The following ASPHD2 variants were observed in gnomAD, a reference collection of about 807,000 sequenced individuals.
ASPHD2 encodes the protein aspartate beta-hydroxylase domain-containing protein 2.
In ASPHD2, 12 loss-of-function variants were observed where a neutral mutation model predicts 34.6. The observed-to-expected ratio is 0.35, with a 90% CI of 0.22 to 0.56. The LOEUF (loss-of-function observed/expected upper bound fraction) is 0.56. ASPHD2 is among the 20% of genes least tolerant of loss of function. ASPHD2 has a pLI of 0.87. For missense variants in ASPHD2, 375 were observed against 505.0 expected (o/e 0.74, Z 2.47); for synonymous variants, 224 against 212.2 (o/e 1.06, Z -0.48).
intron 3 of ASPHD2, 128 bp from the exon 4 acceptor site, chr22:26,442,969 T>TCCGAG: frequency 1.4e-6 from 1 of 723,858 alleles, no homozygotes; most frequent in South Asian, 1.6e-5. Flanking sequence ...GGTGGTCCGA[T>TCCGAG]CCGAGCCGAG....
rs2084869810 is a variant in ASPHD2, at chr22:26,443,263, G to A, written c.*57G>A. On this transcript the variant is annotated 3_prime_UTR_variant, in exon 4 of 4. Coordinates refer to ENST00000215906, the MANE Select transcript of ASPHD2 (RefSeq NM_020437.5). ...GGCCGAGGCGGGGCCTGGGCAGACT[G>A]TGGTCCGGTCCAGTCCCTACCGGTG... The A allele has an allele frequency of 6.9e-7, 1 of 1,444,812 alleles. No homozygotes were observed. The highest frequency in any genetic ancestry group is 2.3e-5 in the East Asian group (1 of 44,068). The allele number at this position is 1,444,812 out of a possible 1,614,324, so 89.5% of individuals were successfully genotyped here. A position where few individuals can be genotyped will look rare whatever the true frequency, so the allele number is the denominator to read the frequency against.
At chr22:26,442,325 C>G (rs552732639) in intron 2 of ASPHD2, 134 bp from the exon 3 acceptor site, 1 of 645,224 alleles carries the variant, frequency 1.5e-6, no homozygotes, top group Non-Finnish European at 2.7e-6. Flanking sequence ...GACCATAGCA[C>G]GGGCTCCAGA....
rs1261607199 is a variant in ASPHD2, at chr22:26,444,363, G to C, written c.*1157G>C. 6.6e-6 allele frequency: 1 copy of C among 152,168 alleles called. No individual in the cohort carries two copies. Among genetic ancestry groups the C allele is most frequent in the Non-Finnish European group, 1.5e-5 (1 of 68,044 alleles). 9.4% of individuals were successfully genotyped at this position (152,168 alleles called of 1,614,324 possible). On this transcript the variant is annotated 3_prime_UTR_variant, in exon 4 of 4. Transcript: ENST00000215906. ...GTGACAATGACCCAAGCCAGTGTGT[G>C]CTAGTGAGGAGACAGAGAAGACCTA...
chr22:26,430,408 C>CT (rs1364424600), intron 1 of ASPHD2, among the ~76,000 whole-genome samples: 1 of 152,206 alleles, frequency 6.6e-6, no homozygotes, highest in Non-Finnish European at 1.5e-5. Context: ...GCCAACTGAG[C>CT]TGGAAGATCT....
chr22:26,442,375 T>C (rs965840723), intron 2 of ASPHD2, 84 bp from the exon 3 acceptor site: 83 of 1,039,526 alleles, frequency 8.0e-5, no homozygotes, highest in Non-Finnish European at 1.0e-4. Context: ...TCAAAAACTC[T>C]CAGTAAGGCA....
chr22:26,435,563 G>A (rs547352121), intron 2 of ASPHD2, among the ~76,000 whole-genome samples: 5 of 152,252 alleles, frequency 3.3e-5, no homozygotes, highest in African/African-American at 7.2e-5. Flanking sequence ...TCATAACCAC[G>A]TTCTGCAGAG....
chr22:26,438,634 CAT>C (rs368513588), intron 2 of ASPHD2, among the ~76,000 whole-genome samples: 15,516 of 78,008 alleles, frequency 0.2, 2,984 homozygotes, highest in South Asian at 0.41. Flanking sequence ...CATATATATA[CAT>C]ATATATATAC....
intron 2 of ASPHD2, among the ~76,000 whole-genome samples, chr22:26,435,111 A>G (rs1000815): frequency 0.59 from 89,010 of 152,018 alleles, 26,497 homozygotes; most frequent in African/African-American, 0.68. Context: ...GGAGTTAGAC[A>G]GCCTTTGTTT....
At chr22:26,434,546 C>T (rs780917875) in intron 2 of ASPHD2, 45 bp downstream of exon 2, 1 of 1,514,450 alleles carries the variant, frequency 6.6e-7, no homozygotes, top group Admixed American at 2.3e-5. Context: ...CATTTGCAAG[C>T]TCAGCCCCTC....
Position 26,429,541 on chromosome 22 carries a change from C to T in ASPHD2, c.-225+55C>T, listed in dbSNP as rs1250520576. ...CGGGAGGGCGGCGCGGCTGGGCCGA[C>T]CCCAGGACAGGGGTTGGAGGCGGGA... On this transcript the variant is annotated intron_variant, in intron 1 of 3. Transcript: ENST00000215906. This position sits in a 1 kb window ranked among gnomAD's most constrained non-coding sequence, Gnocchi z 4.5. 3.3e-5 allele frequency: 5 copies of T among 151,604 alleles called. No homozygotes were observed. Among genetic ancestry groups the T allele is most frequent in the African/African-American group, 9.7e-5 (4 of 41,304 alleles). 9.4% of individuals were successfully genotyped at this position (151,604 alleles called of 1,614,324 possible).
intron 2 of ASPHD2, among the ~76,000 whole-genome samples, chr22:26,438,542 T>TATATAC (rs1201115304): frequency 5.7e-5 from 8 of 141,116 alleles, no homozygotes; most frequent in African/African-American, 2.1e-4. Context: ...TATATACACA[T>TATATAC]ACATATATAC....
chr22:26,432,433 A>G (rs2084762948), intron 1 of ASPHD2, among the ~76,000 whole-genome samples: 1 of 152,256 alleles, frequency 6.6e-6, no homozygotes. Flanking sequence ...GTAGAAGCAG[A>G]GACCTGGCTG....
Position 26,433,562 on chromosome 22 carries a change from G to A in ASPHD2, c.-54G>A, listed in dbSNP as rs2084769641. 4 of 1,345,456 alleles carry A rather than the reference G, an allele frequency of 3.0e-6. No individual in the cohort carries two copies. The Admixed American group carries it at 6.6e-5, about 22-fold the overall frequency. The allele number at this position is 1,345,456 out of a possible 1,614,324, so 83.3% of individuals were successfully genotyped here. ...CCCCTGGCAGTATCTGAGGATCGGT[G>A]GCAGCCATGCCTCCCCCTGCCCCAG... On this transcript the variant is annotated 5_prime_UTR_variant, in exon 2 of 4. An upstream open reading frame in the 5' UTR gains an earlier in-frame stop. Transcript: ENST00000215906. This position sits in a 1 kb window ranked among gnomAD's most constrained non-coding sequence, Gnocchi z 5.1.
In ASPHD2 at chr22:26,434,463, A is replaced by C; in HGVS notation, c.848A>C (p.His283Pro). The stretch of plus-strand genomic sequence containing the variant: ...AGCCCTGGGACTGTGATAACGGAGC[A>C]CTATGGACCCACCAACATCCGCATC... ...VLSPGTVITE[H>P]YGPTNIRIRC... Residue 283 changes from histidine to proline, a missense_variant, in exon 2 of 4, where the codon CAC becomes CCC. Physicochemically the swap from His to Pro is moderately conservative, Grantham distance 77. Transcript: ENST00000215906. 1 of 1,599,994 alleles carries C rather than the reference A, an allele frequency of 6.3e-7. No individual in the cohort carries two copies. Among genetic ancestry groups the C allele is most frequent in the African/African-American group, 1.3e-5 (1 of 74,660 alleles).
intron 1 of ASPHD2, among the ~76,000 whole-genome samples, chr22:26,431,096 T>C (rs1284485711): frequency 2.0e-5 from 3 of 152,204 alleles, no homozygotes; most frequent in Non-Finnish European, 4.4e-5. Context: ...AAACCTTTCC[T>C]CCTGACAGAC....
intron 2 of ASPHD2, among the ~76,000 whole-genome samples, chr22:26,434,872 T>TA (rs1464608830): frequency 2.0e-5 from 3 of 152,242 alleles, no homozygotes; most frequent in Non-Finnish European, 4.4e-5. Context: ...CAGTGACACA[T>TA]ACGGCTAGTG....
rs773882780 is a variant in ASPHD2, at chr22:26,434,089, C to T, written c.474C>T (p.Ser158=). Residue 158 remains serine (S), a synonymous_variant, in exon 2 of 4, where the codon AGC becomes AGT. Transcript: ENST00000215906. The part of the protein sequence containing the change: ...GIREQGRYLN[S]RPSIQKPEVF... Reference sequence around the variant, plus strand: ...GCGAGCAGGGCCGGTACCTCAACAGCCGGCCCTCCATCCAGAAGCCCGAGG... The same window carrying T: ...GCGAGCAGGGCCGGTACCTCAACAGTCGGCCCTCCATCCAGAAGCCCGAGG... The T allele has an allele frequency of 6.2e-7, 1 of 1,613,054 alleles. No homozygotes were observed. The highest frequency in any genetic ancestry group is 1.1e-5 in the South Asian group (1 of 91,076).
intron 2 of ASPHD2, among the ~76,000 whole-genome samples, chr22:26,434,797 CTAATT>C (rs1356229946): frequency 1.3e-5 from 2 of 152,196 alleles, no homozygotes; most frequent in Non-Finnish European, 2.9e-5. Context: ...ACACATGTGA[CTAATT>C]GAGTGCTTGA....
At chr22:26,438,280 C>G (rs182326092) in intron 2 of ASPHD2, among the ~76,000 whole-genome samples, 1 of 152,110 alleles carries the variant, frequency 6.6e-6, no homozygotes, top group African/African-American at 2.4e-5. Flanking sequence ...CCTGACTCCC[C>G]CAGCTGCTGT....
Sources: allele counts gnomAD v4.1 joint callset (sites outside exome capture counted in the v4.1 genomes callset), GRCh38; gene constraint gnomAD v4.1.1; non-coding constraint Gnocchi (gnomAD v3.1); transcripts MANE v1.5; gene names NCBI Gene and HGNC (gene_info 2026-07-23, HGNC 2026-07-21).